ARIH1: variants seen among roughly 807,000 people sequenced by gnomAD.
ARIH1 encodes E3 ubiquitin-protein ligase ARIH1.
Under a neutral mutation model 85.0 loss-of-function variants are expected in ARIH1, and 8 were observed. The ratio of observed to expected loss-of-function variants is 0.09; its 90% CI spans 0.06 to 0.17. The LOEUF is 0.17. Among genes scored for constraint, ARIH1 ranks in the 10% least tolerant of loss-of-function variants. ARIH1 has a pLI of 1.00. For synonymous variants in ARIH1, 238 were observed against 253.6 expected (o/e 0.94, Z 0.59); for missense variants, 311 against 718.1 (o/e 0.43, Z 6.48).
chr15:72,541,181 G>T (rs959052268), intron 2 of ARIH1, among the ~76,000 whole-genome samples: 8 of 152,176 alleles, frequency 5.3e-5, no homozygotes, highest in African/African-American at 1.9e-4. Flanking sequence ...AGCTGTGAGG[G>T]TTTAGCATTT....
At chr15:72,572,449 C>T (rs1327386145) in intron 11 of ARIH1, 6 of 207,884 alleles carry the variant, frequency 2.9e-5, no homozygotes, top group Non-Finnish European at 4.8e-5. Flanking sequence ...CTCCTGACCT[C>T]GTGATCCACT....
At chr15:72,569,353 C>T (rs966011545) in intron 9 of ARIH1, among the ~76,000 whole-genome samples, 19 of 152,090 alleles carry the variant, frequency 1.2e-4, no homozygotes, top group Non-Finnish European at 2.4e-4. Context: ...CAATCTAACA[C>T]GATCTCTGTA....
At chr15:72,529,005 C>G (rs1296059540) in intron 2 of ARIH1, among the ~76,000 whole-genome samples, 2 of 152,056 alleles carry the variant, frequency 1.3e-5, no homozygotes, top group African/African-American at 4.8e-5. Context: ...TCGAGACCAT[C>G]CTGGCTAACA....
intron 3 of ARIH1, among the ~76,000 whole-genome samples, chr15:72,552,478 C>G (rs189030199): frequency 2.0e-5 from 3 of 151,990 alleles, no homozygotes; most frequent in Admixed American, 1.3e-4. Flanking sequence ...TTGATAGACA[C>G]AGGGTTTCGC....
chr15:72,489,037 G>A (rs2063848388), intron 1 of ARIH1, among the ~76,000 whole-genome samples: 1 of 152,142 alleles, frequency 6.6e-6, no homozygotes, highest in East Asian at 1.9e-4. Context: ...GAGTCCAGGA[G>A]TTTGAGACCA....
At chr15:72,475,891 A>G (rs565470127) in intron 1 of ARIH1, among the ~76,000 whole-genome samples, 3 of 152,106 alleles carry the variant, frequency 2.0e-5, no homozygotes, top group Non-Finnish European at 4.4e-5. Context: ...TCATTTAACC[A>G]TGTGCGTCAG....
intron 7 of ARIH1, among the ~76,000 whole-genome samples, chr15:72,565,571 T>C (rs2064215796): frequency 6.6e-6 from 1 of 152,242 alleles, no homozygotes; most frequent in African/African-American, 2.4e-5. Flanking sequence ...ACATACTGTT[T>C]CGATAAAGAT....
At chr15:72,559,164 C>G (rs12900846) in intron 5 of ARIH1, among the ~76,000 whole-genome samples, 117,545 of 152,158 alleles carry the variant, frequency 0.77, 51,615 homozygotes, top group Non-Finnish European at 0.96. Context: ...GTTTCACATC[C>G]CACAAATAAC....
At chr15:72,500,562 C>T (rs2063898526) in intron 1 of ARIH1, among the ~76,000 whole-genome samples, 2 of 152,038 alleles carry the variant, frequency 1.3e-5, no homozygotes, top group African/African-American at 4.8e-5. Flanking sequence ...AATTTCATTC[C>T]CTCTCTTCTT....
chr15:72,585,909 T>A lies in ARIH1; in HGVS notation c.*2617T>A, dbSNP rs1310325523. Reference sequence around the variant, plus strand: ...CCCTGTTTCACCTACAGAAGTCTTATCTGAGGGATCTATTCACAGTAAGCA... The same window carrying A: ...CCCTGTTTCACCTACAGAAGTCTTAACTGAGGGATCTATTCACAGTAAGCA... On this transcript the variant is annotated 3_prime_UTR_variant, in exon 14 of 14. Coordinates refer to ENST00000379887, the MANE Select transcript of ARIH1 (RefSeq NM_005744.5). 6.6e-6 allele frequency: 1 copy of A among 152,210 alleles called. No individual in the cohort carries two copies. The highest frequency in any genetic ancestry group is 1.5e-5 in the Non-Finnish European group (1 of 68,038). 9.4% of individuals were successfully genotyped at this position (152,210 alleles called of 1,614,324 possible). A position where few individuals can be genotyped will look rare whatever the true frequency, so the allele number is the denominator to read the frequency against.
At chr15:72,561,054 T>A (rs1487558641) in intron 5 of ARIH1, among the ~76,000 whole-genome samples, 1 of 152,158 alleles carries the variant, frequency 6.6e-6, no homozygotes, top group African/African-American at 2.4e-5. Flanking sequence ...ATCCATTTCT[T>A]AACATTTCTG....
intron 7 of ARIH1, 59 bp from the exon 8 acceptor site, chr15:72,566,503 TA>T: frequency 7.4e-7 from 1 of 1,356,520 alleles, no homozygotes; most frequent in Non-Finnish European, 1.1e-6. Flanking sequence ...ATGATTGGCT[TA>T]TTTACTTGCT....
chr15:72,496,287 A>G (rs1167691983), intron 1 of ARIH1, among the ~76,000 whole-genome samples: 1 of 152,174 alleles, frequency 6.6e-6, no homozygotes, highest in Non-Finnish European at 1.5e-5. Flanking sequence ...AAGCCCCCAA[A>G]GTTGTCTTAC....
chr15:72,534,956 A>ATTTTTTTTTTTTTTTTTTTT (rs1179478559), intron 2 of ARIH1, among the ~76,000 whole-genome samples: 1 of 45,108 alleles, frequency 2.2e-5, no homozygotes, highest in Non-Finnish European at 1.9e-4. Flanking sequence ...TATTGTCTGT[A>ATTTTTTTTTTTTTTTTTTTT]TTCTTTTTTT....
chr15:72,505,072 T>C (rs2063919170), intron 1 of ARIH1, among the ~76,000 whole-genome samples: 1 of 152,198 alleles, frequency 6.6e-6, no homozygotes. Flanking sequence ...TCAAGAGCAT[T>C]ACTTCCTGTA....
At chr15:72,495,815 G>GT (rs1567339278) in intron 1 of ARIH1, among the ~76,000 whole-genome samples, 2 of 151,966 alleles carry the variant, frequency 1.3e-5, no homozygotes, top group Admixed American at 6.6e-5. Context: ...TTTAAGGTTT[G>GT]TTTTTTTAAA....
chr15:72,573,068 C>T (rs1352739079), intron 11 of ARIH1, among the ~76,000 whole-genome samples: 4 of 152,154 alleles, frequency 2.6e-5, no homozygotes, highest in African/African-American at 9.7e-5. Context: ...CCCCAGTTGT[C>T]CCAGAAATAT....
intron 2 of ARIH1, among the ~76,000 whole-genome samples, chr15:72,540,900 A>G (rs1392559146): frequency 6.6e-6 from 1 of 152,220 alleles, no homozygotes; most frequent in Non-Finnish European, 1.5e-5. Flanking sequence ...ACTCCAGTAC[A>G]TGCTATCTAA....
rs1335899861 is a variant in ARIH1 at position 72,496,318 on chromosome 15, C to T, written c.375+21304C>T. 3.3e-5 allele frequency among the ~76,000 whole-genome samples: 5 copies of T among 152,124 alleles called. No individual in the cohort carries two copies. The East Asian group carries it at 7.7e-4, about 23-fold the overall frequency. On this transcript the variant is annotated intron_variant, in intron 1 of 13. Transcript: ENST00000379887. ...CTTACCTAGATGTGGTGCTAGCAAACGTTTTTATAAAGGCAGGAATGTAGA... is the reference window on the plus strand; with the variant it reads ...CTTACCTAGATGTGGTGCTAGCAAATGTTTTTATAAAGGCAGGAATGTAGA...
Sources: gnomAD v4.1 joint callset for allele counts (sites outside exome capture counted in the v4.1 genomes callset) on GRCh38, gnomAD v4.1.1 for gene constraint, MANE v1.5 for transcripts, NCBI Gene and HGNC (gene_info 2026-07-23, HGNC 2026-07-21) for gene names.